C1QTNF3: variants seen among roughly 807,000 people sequenced by gnomAD.
The protein encoded by C1QTNF3 is C1q and TNF related 3, also known as complement C1q tumor necrosis factor-related protein 3.
In C1QTNF3, 26 loss-of-function variants were observed where a neutral mutation model predicts 32.6. That is an observed-to-expected ratio of 0.80 (90% CI 0.58 to 1.11). The LOEUF (loss-of-function observed/expected upper bound fraction) is 1.11. C1QTNF3 is among the 50% of genes least tolerant of loss of function. The pLI is 0.00. For missense variants in C1QTNF3, 362 were observed against 398.2 expected (o/e 0.91, Z 0.77); for synonymous variants, 155 against 146.0 (o/e 1.06, Z -0.44).
chr5:34,121,832 T>C, the C1QTNF3 span, among the ~76,000 whole-genome samples: 2 of 152,128 alleles, frequency 1.3e-5, no homozygotes, highest in Non-Finnish European at 2.9e-5. Context: ...AAAGCCTTCA[T>C]GAATGAAATG....
the C1QTNF3 span, among the ~76,000 whole-genome samples, chr5:34,056,412 G>A: frequency 6.8e-5 from 5 of 73,298 alleles, no homozygotes; most frequent in South Asian, 7.0e-4. Flanking sequence ...ATATATATAT[G>A]TATATGTATG....
chr5:34,068,378 G>A, the C1QTNF3 span, among the ~76,000 whole-genome samples: 1 of 151,800 alleles, frequency 6.6e-6, no homozygotes. Context: ...GCTTTATACT[G>A]TTTCTCCAAC....
chr5:34,141,982 G>A, the C1QTNF3 span, among the ~76,000 whole-genome samples: 6 of 152,058 alleles, frequency 3.9e-5, no homozygotes, highest in Non-Finnish European at 8.8e-5. Flanking sequence ...TACTCAAGCA[G>A]GGGAGGAGCC....
the C1QTNF3 span, among the ~76,000 whole-genome samples, chr5:34,064,787 A>G: frequency 6.6e-6 from 1 of 152,116 alleles, no homozygotes; most frequent in Non-Finnish European, 1.5e-5. Context: ...CTCCCATACA[A>G]TGGGAGGGGA....
At chr5:34,034,643 T>G (rs774685312) in intron 2 of C1QTNF3, among the ~76,000 whole-genome samples, 1 of 152,176 alleles carries the variant, frequency 6.6e-6, no homozygotes. Flanking sequence ...ATTAATGTGT[T>G]CAGTGACAAA....
chr5:34,076,194 G>A, the C1QTNF3 span, among the ~76,000 whole-genome samples: 2 of 151,478 alleles, frequency 1.3e-5, no homozygotes, highest in Admixed American at 1.3e-4. Flanking sequence ...AGAGATTAAT[G>A]ACGGTGATGC....
At chr5:34,199,562 CATTAG>C in the C1QTNF3 span, among the ~76,000 whole-genome samples, 1 of 133,332 alleles carries the variant, frequency 7.5e-6, no homozygotes, top group Non-Finnish European at 1.6e-5. Flanking sequence ...ATTTTCAGGC[CATTAG>C]GTTAATAGTT....
rs1285708904 is a variant in C1QTNF3 at position 34,042,942 on chromosome 5, G to C, written c.184C>G (p.His62Asp). The C allele has an allele frequency of 2.4e-5, 39 of 1,614,064 alleles. No individual in the cohort carries two copies. The highest frequency in any genetic ancestry group is 3.3e-5 in the Non-Finnish European group (39 of 1,180,042). The change falls in exon 1 of 6, where the codon CAT (histidine) becomes GAT (aspartate). Residue 62 changes from histidine to aspartate, a missense_variant. Coordinates refer to ENST00000382065, the MANE Select transcript of C1QTNF3 (RefSeq NM_181435.6). Reference sequence around the variant, plus strand: ...TTATCCACAGTCCCAGTTTTAGGATGGCTCCGCTCTCTCACTTTCTCCCTC... The same window carrying C: ...TTATCCACAGTCCCAGTTTTAGGATCGCTCCGCTCTCTCACTTTCTCCCTC... ...SRREKVRERS[H>D]PKTGTVDNNT...
Position 34,035,837 on chromosome 5 carries a change from G to C in C1QTNF3, c.304-79C>G, listed in dbSNP as rs1754724330. ...GATTTTTAAATTTCCACTGGCCTTG[G>C]CCCTTAGGTAAGCTTAATTCCAATC... On this transcript the variant is annotated intron_variant, in intron 1 of 5. Transcript: ENST00000382065. The C allele has an allele frequency of 2.9e-6, 3 of 1,048,912 alleles. No homozygotes were observed. In the African/African-American group the frequency reaches 4.8e-5, roughly 17 times the overall value. The allele number at this position is 1,048,912 out of a possible 1,614,324, so 65.0% of individuals were successfully genotyped here.
At chr5:34,047,244 C>T (rs1311494799), upstream of C1QTNF3, among the ~76,000 whole-genome samples, 1 of 152,202 alleles carries the variant, frequency 6.6e-6, no homozygotes, top group Non-Finnish European at 1.5e-5. Context: ...CTGCCTTGGC[C>T]CCAAGGGCCC....
chr5:34,176,039 C>G, the C1QTNF3 span: 3 of 628,200 alleles, frequency 4.8e-6, no homozygotes, highest in Admixed American at 5.2e-5. Flanking sequence ...TTGATGGTGA[C>G]CAAAATATCT....
chr5:34,145,434 C>G, the C1QTNF3 span, among the ~76,000 whole-genome samples: 1 of 151,686 alleles, frequency 6.6e-6, no homozygotes, highest in African/African-American at 2.4e-5. Context: ...CAGAATTGAA[C>G]TAGGAAAAAA....
intron 2 of C1QTNF3, among the ~76,000 whole-genome samples, chr5:34,034,934 A>G (rs1341115380): frequency 6.6e-6 from 1 of 152,220 alleles, no homozygotes; most frequent in Non-Finnish European, 1.5e-5. Flanking sequence ...ATTAACATCA[A>G]TGAGAGTAAG....
the C1QTNF3 span, among the ~76,000 whole-genome samples, chr5:34,056,454 G>GTGTGTGTGTGTA: frequency 2.0e-5 from 1 of 48,966 alleles, no homozygotes. Context: ...GTGTGTGTGT[G>GTGTGTGTGTGTA]TATATATATA....
At chr5:34,210,613 C>T in the C1QTNF3 span, among the ~76,000 whole-genome samples, 1,965 of 151,646 alleles carry the variant, frequency 0.013, 46 homozygotes, top group African/African-American at 0.045. Context: ...AGGAGACAGG[C>T]CTACTTATAT....
the C1QTNF3 span, among the ~76,000 whole-genome samples, chr5:34,070,385 C>T: frequency 2.6e-5 from 4 of 152,096 alleles, no homozygotes; most frequent in Non-Finnish European, 5.9e-5. Context: ...CAAAAAATGG[C>T]TTTTTGGGGG....
At chr5:34,027,612 C>T (rs1302632595) in intron 4 of C1QTNF3, among the ~76,000 whole-genome samples, 1 of 151,666 alleles carries the variant, frequency 6.6e-6, no homozygotes, top group Non-Finnish European at 1.5e-5. Context: ...TGGGGAGGAT[C>T]GCTTGAGCTT....
the C1QTNF3 span, among the ~76,000 whole-genome samples, chr5:34,146,183 C>T: frequency 1.3e-5 from 2 of 152,098 alleles, no homozygotes; most frequent in African/African-American, 4.8e-5. Context: ...AAATGAAAGG[C>T]ATCCATATAG....
chr5:34,116,890 C>T, the C1QTNF3 span, among the ~76,000 whole-genome samples: 15 of 152,282 alleles, frequency 9.9e-5, no homozygotes, highest in Middle Eastern at 3.4e-3. Context: ...CCACTGTGCC[C>T]GGCCTTTCTA....
Sources: allele counts gnomAD v4.1 joint callset (sites outside exome capture counted in the v4.1 genomes callset), GRCh38; gene constraint gnomAD v4.1.1; transcripts MANE v1.5; gene names NCBI Gene and HGNC (gene_info 2026-07-23, HGNC 2026-07-21).